CTNND2: variants seen among roughly 807,000 people sequenced by gnomAD.
The protein encoded by CTNND2 is catenin delta-2.
In CTNND2, 22 loss-of-function variants were observed where a neutral mutation model predicts 144.4. The observed-to-expected ratio is 0.15, with a 90% CI of 0.11 to 0.22. The LOEUF (loss-of-function observed/expected upper bound fraction) is 0.22, where lower values mean the gene tolerates loss of function less well. Ranked by LOEUF, CTNND2 falls within the 10% of genes least tolerant of loss-of-function variation. The probability of loss-of-function intolerance (pLI) is 1.00; values close to 1 mark genes in which losing one functional copy is unlikely to be tolerated. For missense variants in CTNND2, 1,353 were observed against 1,618.8 expected (o/e 0.84, Z 2.82); for synonymous variants, 751 against 695.6 (o/e 1.08, Z -1.25).
chr5:11,196,208 A>C (rs1736843296), intron 11 of CTNND2, among the ~76,000 whole-genome samples: 1 of 152,242 alleles, frequency 6.6e-6, no homozygotes, highest in Admixed American at 6.5e-5. Context: ...TTCTGGATAT[A>C]CAGCTAGGTC....
chr5:11,494,223 C>T (rs1337374827), intron 3 of CTNND2, among the ~76,000 whole-genome samples: 1 of 152,124 alleles, frequency 6.6e-6, no homozygotes, highest in Non-Finnish European at 1.5e-5. Flanking sequence ...ATTAAGTGAA[C>T]TTCATGAACA....
chr5:11,091,045 G>A (rs765549785), intron 15 of CTNND2, among the ~76,000 whole-genome samples: 1 of 151,988 alleles, frequency 6.6e-6, no homozygotes, highest in African/African-American at 2.4e-5. Context: ...GTGAGTGTAT[G>A]AGTTTCATTA....
chr5:11,527,766 A>G (rs1773392062), intron 3 of CTNND2, among the ~76,000 whole-genome samples: 1 of 152,192 alleles, frequency 6.6e-6, no homozygotes, highest in Admixed American at 6.6e-5. Context: ...CTTAACGAGA[A>G]AGGGTGATCT....
At chr5:11,659,659 T>C (rs1029722172) in intron 2 of CTNND2, among the ~76,000 whole-genome samples, 2 of 152,114 alleles carry the variant, frequency 1.3e-5, no homozygotes, top group African/African-American at 2.4e-5. Flanking sequence ...CCATCCAGCA[T>C]ATGACACGTT....
At chr5:11,654,093 G>A (rs563068429) in intron 2 of CTNND2, among the ~76,000 whole-genome samples, 174 of 152,016 alleles carry the variant, frequency 1.1e-3, no homozygotes, top group Admixed American at 2.8e-3. Context: ...TGTTCCATTA[G>A]TCTTTGTGTC....
intron 3 of CTNND2, among the ~76,000 whole-genome samples, chr5:11,497,926 G>A (rs143693062): frequency 4.3e-4 from 65 of 152,204 alleles, no homozygotes; most frequent in Admixed American, 1.4e-3. Context: ...TGTGACATGA[G>A]GCATCAGATT....
At chr5:11,590,969 T>C (rs1051334872) in intron 2 of CTNND2, among the ~76,000 whole-genome samples, 7 of 152,242 alleles carry the variant, frequency 4.6e-5, no homozygotes, top group Non-Finnish European at 7.3e-5. Flanking sequence ...TGTCTAGACC[T>C]AGATGCTTTA....
chr5:11,718,167 A>G (rs1432539335), intron 2 of CTNND2, among the ~76,000 whole-genome samples: 1 of 152,202 alleles, frequency 6.6e-6, no homozygotes, highest in African/African-American at 2.4e-5. Context: ...TCCATATTCC[A>G]GGCACTACGA....
chr5:11,422,177 AT>A (rs1762419037), intron 3 of CTNND2, among the ~76,000 whole-genome samples: 1 of 152,134 alleles, frequency 6.6e-6, no homozygotes, highest in African/African-American at 2.4e-5. Context: ...ATTATCAAAA[AT>A]ATAAGTTACA....
chr5:11,216,225 C>T lies in CTNND2; in HGVS notation c.1762-16564G>A, dbSNP rs1441655272. ...ACGGTGGTAGGCAGAACAATGCCCC[C>T]CCACCGCCACCCTATAAGATGTCAA... is the stretch of plus-strand genomic sequence containing the variant. On this transcript the variant is annotated intron_variant, in intron 10 of 21. Transcript: ENST00000304623. Among the ~76,000 whole-genome samples the T allele has an allele frequency of 2.6e-5, 4 of 152,132 alleles. No individual in the cohort carries two copies. In the East Asian group the frequency reaches 7.7e-4, roughly 29 times the overall value.
At chr5:11,710,255 C>T (rs984068087) in intron 2 of CTNND2, among the ~76,000 whole-genome samples, 1 of 152,160 alleles carries the variant, frequency 6.6e-6, no homozygotes, top group East Asian at 1.9e-4. Flanking sequence ...AGGAACCCTT[C>T]GGTCCGGCTG....
chr5:11,807,560 G>A (rs931076381), intron 1 of CTNND2, among the ~76,000 whole-genome samples: 1 of 152,160 alleles, frequency 6.6e-6, no homozygotes, highest in Non-Finnish European at 1.5e-5. Flanking sequence ...ACAGAGTTCA[G>A]AATTATGATC....
Position 11,071,133 on chromosome 5 carries a change from G to A in CTNND2, c.2788+11563C>T, listed in dbSNP as rs544713759. On this transcript the variant is annotated intron_variant, in intron 16 of 21. Transcript: ENST00000304623. Reference sequence around the variant, plus strand: ...AGTTTTATCTTAGGAACAAAGGTACGTGAATATGCCAAATGCTGCCGGAAG... The same window carrying A: ...AGTTTTATCTTAGGAACAAAGGTACATGAATATGCCAAATGCTGCCGGAAG... Among the ~76,000 whole-genome samples the A allele has an allele frequency of 3.9e-5, 6 of 152,292 alleles. No individual in the cohort carries two copies. In the South Asian group the frequency reaches 1.0e-3, roughly 26 times the overall value.
intron 2 of CTNND2, among the ~76,000 whole-genome samples, chr5:11,699,176 T>A (rs528205787): frequency 6.6e-6 from 1 of 152,248 alleles, no homozygotes; most frequent in South Asian, 2.1e-4. Flanking sequence ...CCACACTCAA[T>A]CAGAATCGTA....
intron 18 of CTNND2, among the ~76,000 whole-genome samples, chr5:11,000,218 G>A (rs1464057121): frequency 6.6e-6 from 1 of 152,190 alleles, no homozygotes; most frequent in Non-Finnish European, 1.5e-5. Context: ...TTGAGCCACA[G>A]CTTCTTATTC....
chr5:11,717,075 C>T (rs1296076033), intron 2 of CTNND2, among the ~76,000 whole-genome samples: 1 of 150,998 alleles, frequency 6.6e-6, no homozygotes, highest in African/African-American at 2.4e-5. Context: ...GCCATGTTGG[C>T]CAGGCTGGTC....
At chr5:11,745,757 T>C (rs1285615038) in intron 1 of CTNND2, among the ~76,000 whole-genome samples, 2 of 152,186 alleles carry the variant, frequency 1.3e-5, no homozygotes, top group African/African-American at 4.8e-5. Context: ...AGAGTCAATC[T>C]TCCTTACCAA....
At chr5:11,010,779 C>T (rs1740992243) in intron 18 of CTNND2, among the ~76,000 whole-genome samples, 1 of 152,248 alleles carries the variant, frequency 6.6e-6, no homozygotes, top group Non-Finnish European at 1.5e-5. Flanking sequence ...GAAAGAGAGC[C>T]TGGTGTGAGA....
intron 9 of CTNND2, among the ~76,000 whole-genome samples, chr5:11,254,461 T>C (rs1744007469): frequency 6.6e-6 from 1 of 152,144 alleles, no homozygotes; most frequent in East Asian, 1.9e-4. Flanking sequence ...CCTTGCACAA[T>C]AGAACTGGGA....
Sources: gnomAD v4.1 joint callset for allele counts (sites outside exome capture counted in the v4.1 genomes callset) on GRCh38, gnomAD v4.1.1 for gene constraint, MANE v1.5 for transcripts, NCBI Gene and HGNC (gene_info 2026-07-23, HGNC 2026-07-21) for gene names.